RUFY2: variants seen among roughly 807,000 people sequenced by gnomAD.
RUFY2 encodes the protein RUN and FYVE domain containing 2, also known as RUN and FYVE domain-containing protein 2.
A neutral mutation model predicts 94.4 loss-of-function variants in RUFY2; 49 were observed. The ratio of observed to expected loss-of-function variants is 0.52; its 90% CI spans 0.41 to 0.66. RUFY2 has a LOEUF of 0.66. Among genes scored for constraint, RUFY2 ranks in the 30% least tolerant of loss-of-function variants. RUFY2 has a pLI of 0.00. For missense variants in RUFY2, 541 were observed against 692.8 expected (o/e 0.78, Z 2.46); for synonymous variants, 255 against 235.7 (o/e 1.08, Z -0.75).
chr10:68,384,422 A>T (rs1229770377), intron 8 of RUFY2, among the ~76,000 whole-genome samples: 1 of 152,244 alleles, frequency 6.6e-6, no homozygotes, highest in Non-Finnish European at 1.5e-5. Context: ...TGCTTATAAT[A>T]AACATATTAT....
chr10:68,365,775 TTCAC>T (rs1388368606), intron 13 of RUFY2, among the ~76,000 whole-genome samples: 1 of 151,652 alleles, frequency 6.6e-6, no homozygotes, highest in African/African-American at 2.4e-5. Flanking sequence ...TTAGCATCAT[TTCAC>T]TCAGTCAGAG....
At position 68,343,832 on chromosome 10, in the gene RUFY2, A is replaced by G. The variant is rs1589737745; in HGVS notation, c.*1936T>C. 1.4e-5 allele frequency: 2 copies of G among 145,064 alleles called. No homozygotes were observed. The highest frequency in any genetic ancestry group is 5.0e-5 in the African/African-American group (2 of 40,354). 9.0% of individuals were successfully genotyped at this position (145,064 alleles called of 1,614,324 possible). On this transcript the variant is annotated 3_prime_UTR_variant, in exon 18 of 18. Coordinates refer to ENST00000602465, the MANE Select transcript of RUFY2 (RefSeq NM_001330103.2). ...CTAAAAAAAAAAAAAAAAAAAAAAAAAGCAAGTCAGTCAGTGTTGATACAT... is the reference window on the plus strand; with the variant it reads ...CTAAAAAAAAAAAAAAAAAAAAAAAGAGCAAGTCAGTCAGTGTTGATACAT...
chr10:68,382,272 G>T (rs953210565), intron 10 of RUFY2, among the ~76,000 whole-genome samples: 9 of 150,338 alleles, frequency 6.0e-5, no homozygotes, highest in Non-Finnish European at 1.2e-4. Flanking sequence ...TAGCCAGGAT[G>T]GTCTCGATCT....
chr10:68,360,811 A>G (rs1217377200), intron 15 of RUFY2, among the ~76,000 whole-genome samples: 1 of 151,888 alleles, frequency 6.6e-6, no homozygotes, highest in Non-Finnish European at 1.5e-5. Flanking sequence ...AAATATTTCA[A>G]TTTTCAAACC....
intron 16 of RUFY2, among the ~76,000 whole-genome samples, chr10:68,352,096 G>T (rs1313022474): frequency 6.6e-6 from 1 of 151,630 alleles, no homozygotes; most frequent in Non-Finnish European, 1.5e-5. Flanking sequence ...TAAAACAAAG[G>T]TATATTCAGA....
chr10:68,368,450 G>A (rs1030540601), intron 13 of RUFY2, among the ~76,000 whole-genome samples: 19 of 151,472 alleles, frequency 1.3e-4, no homozygotes, highest in African/African-American at 3.6e-4. Flanking sequence ...ACCTGAGGTC[G>A]GGAGTTCAAG....
At chr10:68,367,689 CCCT>C (rs2047951151) in intron 13 of RUFY2, among the ~76,000 whole-genome samples, 1 of 151,478 alleles carries the variant, frequency 6.6e-6, no homozygotes, top group Non-Finnish European at 1.5e-5. Flanking sequence ...CTCCCTCCCT[CCCT>C]GCTTTTTCTT....
chr10:68,347,015 A>G (rs749408935), intron 16 of RUFY2, among the ~76,000 whole-genome samples: 2 of 152,130 alleles, frequency 1.3e-5, no homozygotes, highest in Non-Finnish European at 2.9e-5. Flanking sequence ...GCTACTCTGG[A>G]GGCTGAGAAG....
chr10:68,358,377 A>G (rs1486965434), intron 15 of RUFY2, among the ~76,000 whole-genome samples: 3 of 152,194 alleles, frequency 2.0e-5, no homozygotes, highest in African/African-American at 4.8e-5. Context: ...ACATAAAAAC[A>G]AAGTGTGAGT....
intron 3 of RUFY2, 80 bp downstream of exon 3, chr10:68,401,540 A>G (rs2050849600): frequency 1.5e-5 from 12 of 826,240 alleles, no homozygotes; most frequent in Non-Finnish European, 1.1e-5. Context: ...AGAAGACAAT[A>G]AGCTAGAGTG....
intron 7 of RUFY2, among the ~76,000 whole-genome samples, chr10:68,391,969 A>AAAAC (rs770942164): frequency 2.0e-4 from 30 of 151,978 alleles, no homozygotes; most frequent in East Asian, 5.8e-4. Context: ...CTGTCTCAAA[A>AAAAC]AAACAAACAA....
chr10:68,372,594 A>AC (rs1484854556), intron 13 of RUFY2, among the ~76,000 whole-genome samples: 1 of 150,090 alleles, frequency 6.7e-6, no homozygotes, highest in East Asian at 2.0e-4. Context: ...AAAAAAAAAA[A>AC]AAAAAAAAAA....
chr10:68,395,953 A>C (rs1753457478), intron 4 of RUFY2, among the ~76,000 whole-genome samples: 1 of 152,130 alleles, frequency 6.6e-6, no homozygotes, highest in African/African-American at 2.4e-5. Flanking sequence ...TGGAGAACTG[A>C]TTGCCTTGCT....
chr10:68,362,199 C>T (rs558122773), intron 15 of RUFY2, among the ~76,000 whole-genome samples: 2 of 152,030 alleles, frequency 1.3e-5, no homozygotes, highest in South Asian at 2.1e-4. Context: ...TGGTGGTGTG[C>T]GTCTGTGGTC....
At chr10:68,354,278 G>GCAAT (rs1173215508) in intron 16 of RUFY2, among the ~76,000 whole-genome samples, 2 of 152,084 alleles carry the variant, frequency 1.3e-5, no homozygotes, top group African/African-American at 4.8e-5. Flanking sequence ...CCAGGCTCAA[G>GCAAT]CAATCCTCCC....
At chr10:68,401,206 G>A (rs191949900) in intron 3 of RUFY2, among the ~76,000 whole-genome samples, 2 of 152,310 alleles carry the variant, frequency 1.3e-5, no homozygotes. Context: ...ACCAGTCCTA[G>A]GGTATACAAC....
intron 13 of RUFY2, among the ~76,000 whole-genome samples, chr10:68,373,867 G>T (rs2048436086): frequency 6.6e-6 from 1 of 152,112 alleles, no homozygotes; most frequent in African/African-American, 2.4e-5. Context: ...TAATTTGGGA[G>T]GCCAAGGTGG....
At chr10:68,401,243 T>C (rs1293915763) in intron 3 of RUFY2, among the ~76,000 whole-genome samples, 1 of 152,218 alleles carries the variant, frequency 6.6e-6, no homozygotes, top group Non-Finnish European at 1.5e-5. Flanking sequence ...TGGAATATCC[T>C]GAGCCTGTGC....
intron 16 of RUFY2, among the ~76,000 whole-genome samples, chr10:68,347,240 T>A (rs1368031852): frequency 6.6e-6 from 1 of 151,490 alleles, no homozygotes; most frequent in Non-Finnish European, 1.5e-5. Flanking sequence ...AAAAAATGGA[T>A]GTAAGTAGTC....
Sources: allele counts gnomAD v4.1 joint callset (sites outside exome capture counted in the v4.1 genomes callset), GRCh38; gene constraint gnomAD v4.1.1; transcripts MANE v1.5; gene names NCBI Gene and HGNC (gene_info 2026-07-23, HGNC 2026-07-21).